KLF12: variants seen among roughly 807,000 people sequenced by gnomAD.
The protein encoded by KLF12 is KLF transcription factor 12, also known as Krueppel-like factor 12.
In KLF12, 9 loss-of-function variants were observed where a neutral mutation model predicts 37.8. The ratio of observed to expected loss-of-function variants is 0.24; its 90% CI spans 0.14 to 0.42. The LOEUF is 0.42. Among genes scored for constraint, KLF12 ranks in the 10% least tolerant of loss-of-function variants. KLF12 has a pLI of 1.00. For synonymous variants in KLF12, 208 were observed against 202.1 expected (o/e 1.03, Z -0.25); for missense variants, 411 against 516.0 (o/e 0.80, Z 1.97).
the KLF12 span, among the ~76,000 whole-genome samples, chr13:74,234,195 A>G: frequency 6.6e-6 from 1 of 152,212 alleles, no homozygotes; most frequent in African/African-American, 2.4e-5. Context: ...CATCCATGGA[A>G]TACATATAGA....
the KLF12 span, among the ~76,000 whole-genome samples, chr13:74,225,790 G>A: frequency 6.6e-6 from 1 of 152,148 alleles, no homozygotes; most frequent in Middle Eastern, 3.2e-3. Flanking sequence ...CAGTTAGGGA[G>A]AGAAAAAGTG....
chr13:73,845,001 T>C (rs988306880), intron 4 of KLF12: 3 of 152,046 alleles, frequency 2.0e-5, no homozygotes, highest in African/African-American at 7.2e-5. Context: ...AAAGACAGCA[T>C]GATGCCACCG....
At chr13:73,966,965 A>G (rs549567652) in intron 2 of KLF12, among the ~76,000 whole-genome samples, 1 of 152,334 alleles carries the variant, frequency 6.6e-6, no homozygotes, top group Admixed American at 6.5e-5. Context: ...TGTAAGTTTT[A>G]TAACTAAAAA....
chr13:74,172,964 C>G, the KLF12 span, among the ~76,000 whole-genome samples: 1 of 152,194 alleles, frequency 6.6e-6, no homozygotes, highest in Non-Finnish European at 1.5e-5. Flanking sequence ...ACGCCCGTAC[C>G]TCTCTGAAGG....
chr13:73,931,493 T>C (rs772682520), intron 3 of KLF12, among the ~76,000 whole-genome samples: 10 of 151,672 alleles, frequency 6.6e-5, no homozygotes, highest in Non-Finnish European at 1.5e-4. Flanking sequence ...AGTCAGAAGC[T>C]ACTATGGCAA....
intron 1 of KLF12, among the ~76,000 whole-genome samples, chr13:74,133,323 TCCC>T (rs1201887688): frequency 1.3e-5 from 1 of 76,102 alleles, no homozygotes; most frequent in African/African-American, 5.1e-5. Flanking sequence ...GAGCCCCCCC[TCCC>T]CCCCAAGTTC....
At chr13:73,766,609 T>C (rs1879932933) in intron 5 of KLF12, among the ~76,000 whole-genome samples, 1 of 152,158 alleles carries the variant, frequency 6.6e-6, no homozygotes, top group African/African-American at 2.4e-5. Flanking sequence ...CTCACTGGGG[T>C]ATCAGAATCC....
At chr13:74,197,745 G>T in the KLF12 span, among the ~76,000 whole-genome samples, 1 of 152,180 alleles carries the variant, frequency 6.6e-6, no homozygotes, top group Admixed American at 6.6e-5. Flanking sequence ...CATAGTCACT[G>T]CTATTTTTAT....
chr13:73,835,834 T>G (rs1194066212), intron 4 of KLF12, among the ~76,000 whole-genome samples: 1 of 152,230 alleles, frequency 6.6e-6, no homozygotes, highest in African/African-American at 2.4e-5. Context: ...CTATTTCATT[T>G]CTTTAAAATC....
chr13:73,760,423 G>T lies in KLF12; in HGVS notation c.869+4515C>A, dbSNP rs968923490. Among the ~76,000 whole-genome samples the T allele has an allele frequency of 2.0e-5, 3 of 152,100 alleles. No individual in the cohort carries two copies. The East Asian group carries it at 5.8e-4, about 29-fold the overall frequency. On this transcript the variant is annotated intron_variant, in intron 6 of 7. Transcript: ENST00000377669. ...GTAGCCTTGAATTCCTGGGCTCAAGGCTCCTGCTTCAGCCTCCTGAGTAGC... is the reference window on the plus strand; with the variant it reads ...GTAGCCTTGAATTCCTGGGCTCAAGTCTCCTGCTTCAGCCTCCTGAGTAGC...
the KLF12 span, among the ~76,000 whole-genome samples, chr13:74,190,083 G>A: frequency 6.6e-6 from 1 of 152,180 alleles, no homozygotes; most frequent in East Asian, 1.9e-4. Context: ...ATGCTTGAGA[G>A]TATATTTTTA....
At chr13:73,795,488 T>C (rs568381919) in intron 5 of KLF12, among the ~76,000 whole-genome samples, 2 of 152,330 alleles carry the variant, frequency 1.3e-5, no homozygotes, top group Admixed American at 1.3e-4. Context: ...AGAATTTCCT[T>C]CTGGTGTCAG....
At chr13:73,703,488 T>C (rs1367280986) in intron 7 of KLF12, among the ~76,000 whole-genome samples, 1 of 152,182 alleles carries the variant, frequency 6.6e-6, no homozygotes, top group Non-Finnish European at 1.5e-5. Context: ...CCAGTCTCCA[T>C]CCTACTGAAT....
At chr13:74,024,061 A>G (rs892144721) in intron 1 of KLF12, among the ~76,000 whole-genome samples, 1 of 152,212 alleles carries the variant, frequency 6.6e-6, no homozygotes, top group Non-Finnish European at 1.5e-5. Flanking sequence ...TTTCAAATCC[A>G]TATTTATACT....
At chr13:74,277,365 C>A in the KLF12 span, among the ~76,000 whole-genome samples, 1 of 152,292 alleles carries the variant, frequency 6.6e-6, no homozygotes, top group Non-Finnish European at 1.5e-5. Context: ...ACCTGCCCAA[C>A]AGGATGTGGT....
At chr13:74,232,740 T>C in the KLF12 span, among the ~76,000 whole-genome samples, 1 of 152,168 alleles carries the variant, frequency 6.6e-6, no homozygotes, top group Non-Finnish European at 1.5e-5. Context: ...GCTTTTCTAT[T>C]TCTATCTTGA....
intron 3 of KLF12, among the ~76,000 whole-genome samples, chr13:73,897,498 T>C (rs973078681): frequency 6.6e-6 from 1 of 152,170 alleles, no homozygotes; most frequent in Admixed American, 6.5e-5. Flanking sequence ...TATTCCAGTA[T>C]AGACCAATAC....
chr13:73,695,488 C>A lies in KLF12; in HGVS notation c.*2G>T, dbSNP rs2137542100. On this transcript the variant is annotated 3_prime_UTR_variant, in exon 8 of 8. Transcript: ENST00000377669. ...TACGCTCAGCTGGACAGGTAGCATT[C>A]CTCACACCAACATATGCCTCCGGCG... 4 of 1,613,528 alleles carry A rather than the reference C, an allele frequency of 2.5e-6. 1 individual carries two copies. In the South Asian group the frequency reaches 4.4e-5, roughly 18 times the overall value.
chr13:73,952,964 G>C (rs913053957), intron 2 of KLF12, among the ~76,000 whole-genome samples: 1 of 152,228 alleles, frequency 6.6e-6, no homozygotes, highest in African/African-American at 2.4e-5. Context: ...AGACAGTTCA[G>C]AGCTGTACAG....
Sources: gnomAD v4.1 joint callset for allele counts (sites outside exome capture counted in the v4.1 genomes callset) on GRCh38, gnomAD v4.1.1 for gene constraint, MANE v1.5 for transcripts, NCBI Gene and HGNC (gene_info 2026-07-23, HGNC 2026-07-21) for gene names.